The following SLC26A7 variants were observed in gnomAD, a reference collection of about 807,000 sequenced individuals.
SLC26A7 encodes the protein solute carrier family 26 member 7, also known as anion exchange transporter.
SLC26A7 carries 59 observed loss-of-function variants against 82.5 expected under a neutral mutation model. The observed-to-expected ratio is 0.72, with a 90% CI of 0.58 to 0.89. SLC26A7 has a LOEUF of 0.89. Among genes scored for constraint, SLC26A7 ranks in the 40% least tolerant of loss-of-function variants. The pLI is 0.00. For synonymous variants in SLC26A7, 271 were observed against 274.3 expected (o/e 0.99, Z 0.12); for missense variants, 820 against 793.0 (o/e 1.03, Z -0.41).
In SLC26A7 at chr8:91,380,666, A is replaced by G. The variant is rs150115490; in HGVS notation, c.1676-8672A>G. On this transcript the variant is annotated intron_variant, in intron 15 of 18. Coordinates refer to ENST00000276609, the MANE Select transcript of SLC26A7 (RefSeq NM_052832.4). ...ACATTCAGAAAGTTTTGGATTTTGGAGCATTTCGGATTTTGCATTTTCTGA... is the reference window on the plus strand; with the variant it reads ...ACATTCAGAAAGTTTTGGATTTTGGGGCATTTCGGATTTTGCATTTTCTGA... 6.1e-3 allele frequency among the ~76,000 whole-genome samples: 931 copies of G among 152,270 alleles called. 4 individuals are homozygous for G. Among genetic ancestry groups the G allele is most frequent in the Non-Finnish European group, 9.8e-3 (665 of 67,992 alleles).
Position 91,310,554 on chromosome 8 carries a change from A to T in SLC26A7, c.478-7662A>T, listed in dbSNP as rs1812452211. Among the ~76,000 whole-genome samples, 3 of 152,000 alleles carry T rather than the reference A, an allele frequency of 2.0e-5. No individual in the cohort carries two copies. In the South Asian group the frequency reaches 6.2e-4, roughly 32 times the overall value. ...ATTTAGAAGAATGTTAAAACGAAAT[A>T]AGGGGGTGAGGACAGCTTCCCAATA... On this transcript the variant is annotated intron_variant, in intron 4 of 18. Transcript: ENST00000276609.
chr8:91,347,483 T>C (rs1347307659), intron 9 of SLC26A7, among the ~76,000 whole-genome samples: 1 of 152,246 alleles, frequency 6.6e-6, no homozygotes, highest in Non-Finnish European at 1.5e-5. Flanking sequence ...TAAAAGTTAT[T>C]AATGATATTT....
chr8:91,254,137 T>G (rs1238135324), intron 2 of SLC26A7, among the ~76,000 whole-genome samples: 3 of 152,100 alleles, frequency 2.0e-5, no homozygotes, highest in Non-Finnish European at 4.4e-5. Flanking sequence ...CAATGTTAAT[T>G]TTTTCTTCAG....
In SLC26A7 at chr8:91,250,522, C is replaced by T. The variant is rs76402124; in HGVS notation, c.193+678C>T. On this transcript the variant is annotated intron_variant, in intron 2 of 18. Transcript: ENST00000276609. ...AGGTGTTTCTATTGGCAAAAGCTAC[C>T]GACCTAGTGTGCATGTGTGTGTATT... Among the ~76,000 whole-genome samples, 1,427 of 152,104 alleles carry T rather than the reference C, an allele frequency of 9.4e-3. 12 individuals carry two copies. Among genetic ancestry groups the T allele is most frequent in the Non-Finnish European group, 0.016 (1,098 of 67,942 alleles).
At chr8:91,284,529 G>A (rs1489593570) in intron 2 of SLC26A7, among the ~76,000 whole-genome samples, 1 of 152,116 alleles carries the variant, frequency 6.6e-6, no homozygotes, top group Non-Finnish European at 1.5e-5. Flanking sequence ...ATTCACATTT[G>A]TTTTTAGACA....
At position 91,345,885 on chromosome 8, in the gene SLC26A7, T is replaced by C. The variant is rs1813548530; in HGVS notation, c.1140+2419T>C. Among the ~76,000 whole-genome samples, 2 of 152,164 alleles carry C rather than the reference T, an allele frequency of 1.3e-5. 1 individual carries two copies. The highest frequency in any genetic ancestry group is 4.1e-4 in the South Asian group (2 of 4,834). On this transcript the variant is annotated intron_variant, in intron 9 of 18. Coordinates refer to ENST00000276609, the MANE Select transcript of SLC26A7 (RefSeq NM_052832.4). ...TATCGAGTGTCTGAAAGATAATAAT[T>C]TGAGAAAGATTATACTTATTTTAAA...
At chr8:91,296,846 A>G (rs547489856) in intron 4 of SLC26A7, among the ~76,000 whole-genome samples, 4 of 152,184 alleles carry the variant, frequency 2.6e-5, no homozygotes, top group African/African-American at 7.2e-5. Flanking sequence ...CCAACCATGG[A>G]TGTCAGCCTA....
intron 5 of SLC26A7, among the ~76,000 whole-genome samples, chr8:91,323,378 C>A (rs1248733679): frequency 6.6e-6 from 1 of 152,170 alleles, no homozygotes; most frequent in African/African-American, 2.4e-5. Flanking sequence ...TTTTGCAACT[C>A]AACCATCGTA....
chr8:91,318,562 A>G (rs1812706467), intron 5 of SLC26A7, among the ~76,000 whole-genome samples, 182 bp downstream of exon 5: 1 of 152,136 alleles, frequency 6.6e-6, no homozygotes, highest in Non-Finnish European at 1.5e-5. Context: ...AATTTCTACT[A>G]ATTTTGGAAA....
intron 15 of SLC26A7, among the ~76,000 whole-genome samples, chr8:91,373,124 TAG>T: frequency 6.6e-6 from 1 of 151,950 alleles, no homozygotes; most frequent in Middle Eastern, 3.4e-3. Context: ...AACCTTTTGG[TAG>T]AGTCTTCAGA....
intron 4 of SLC26A7, among the ~76,000 whole-genome samples, chr8:91,300,400 A>ATT (rs35766764): frequency 3.5e-5 from 5 of 143,476 alleles, no homozygotes; most frequent in African/African-American, 7.7e-5. Flanking sequence ...ATTTGCTAGA[A>ATT]TTTTTTTTTT....
intron 16 of SLC26A7, among the ~76,000 whole-genome samples, chr8:91,392,345 A>T (rs1050571055): frequency 6.6e-6 from 1 of 152,098 alleles, no homozygotes; most frequent in Non-Finnish European, 1.5e-5. Context: ...TGTGATCTGG[A>T]CTTAAGTGTT....
intron 15 of SLC26A7, among the ~76,000 whole-genome samples, chr8:91,371,611 A>G (rs1407900916): frequency 2.0e-5 from 3 of 151,954 alleles, no homozygotes; most frequent in South Asian, 2.1e-4. Context: ...CATCGTGTAT[A>G]TATAGTACAT....
intron 2 of SLC26A7, among the ~76,000 whole-genome samples, chr8:91,229,177 C>T (rs1441242758): frequency 1.3e-5 from 2 of 152,190 alleles, no homozygotes; most frequent in Non-Finnish European, 2.9e-5. Flanking sequence ...CTCAGATGTT[C>T]TGGCTCATTT....
At chr8:91,359,421 G>T (rs932938722) in intron 11 of SLC26A7, among the ~76,000 whole-genome samples, 1 of 152,194 alleles carries the variant, frequency 6.6e-6, no homozygotes, top group Non-Finnish European at 1.5e-5. Context: ...TAATGAGTTT[G>T]CATTTGGACA....
upstream of SLC26A7, among the ~76,000 whole-genome samples, chr8:91,246,574 C>G (rs561367223): frequency 3.3e-5 from 5 of 152,126 alleles, no homozygotes; most frequent in South Asian, 1.0e-3. Flanking sequence ...GACTAGTGCA[C>G]CTGTAATCCC....
chr8:91,256,247 T>A (rs1381510456), intron 2 of SLC26A7, among the ~76,000 whole-genome samples: 3 of 152,100 alleles, frequency 2.0e-5, no homozygotes, highest in African/African-American at 4.8e-5. Flanking sequence ...TTTAAAAAAA[T>A]GTTGCGGTTT....
At chr8:91,239,804 C>T (rs891950762) in intron 2 of SLC26A7, among the ~76,000 whole-genome samples, 3 of 152,072 alleles carry the variant, frequency 2.0e-5, no homozygotes, top group African/African-American at 7.3e-5. Flanking sequence ...AAAGGGACTA[C>T]AAACTGGGTA....
intron 2 of SLC26A7, among the ~76,000 whole-genome samples, chr8:91,276,155 G>A (rs926981262): frequency 6.6e-6 from 1 of 151,716 alleles, no homozygotes; most frequent in African/African-American, 2.4e-5. Flanking sequence ...TATGGCCAAG[G>A]GATTACTTCT....
Sources: gnomAD v4.1 joint callset for allele counts (sites outside exome capture counted in the v4.1 genomes callset) on GRCh38, gnomAD v4.1.1 for gene constraint, MANE v1.5 for transcripts, NCBI Gene and HGNC (gene_info 2026-07-23, HGNC 2026-07-21) for gene names.